Variants in MRPL1 observed in about 807,000 individuals in gnomAD.
The protein encoded by MRPL1 is large ribosomal subunit protein uL1m.
A neutral mutation model predicts 38.0 loss-of-function variants in MRPL1; 28 were observed. The observed-to-expected ratio is 0.74, with a 90% CI of 0.55 to 1.01. The LOEUF (loss-of-function observed/expected upper bound fraction) is 1.01, where lower values mean the gene tolerates loss of function less well. MRPL1 is among the 50% of genes least tolerant of loss of function. MRPL1 has a pLI of 0.00. For synonymous variants in MRPL1, 123 were observed against 126.7 expected (o/e 0.97, Z 0.20); for missense variants, 358 against 389.8 (o/e 0.92, Z 0.69).
chr4:77,872,076 T>C (rs557889893), intron 2 of MRPL1, among the ~76,000 whole-genome samples: 3 of 152,246 alleles, frequency 2.0e-5, no homozygotes, highest in Admixed American at 2.0e-4. Context: ...ACAGCAACCT[T>C]ATGAGGAAGC....
intron 7 of MRPL1, among the ~76,000 whole-genome samples, chr4:77,922,198 AT>A (rs1736596123): frequency 1.3e-5 from 2 of 152,208 alleles, no homozygotes; most frequent in Admixed American, 6.5e-5. Flanking sequence ...GGATATTGAA[AT>A]TTTAGATAGG....
intron 7 of MRPL1, among the ~76,000 whole-genome samples, chr4:77,937,706 T>C (rs1467122386): frequency 6.6e-6 from 1 of 152,176 alleles, no homozygotes; most frequent in African/African-American, 2.4e-5. Context: ...TGGCCTTAAT[T>C]GTTGGCATCT....
Position 77,902,385 on chromosome 4 carries a change from TAAA to T in MRPL1, c.671-6863_671-6861del, listed in dbSNP as rs552547011. Among the ~76,000 whole-genome samples the T allele has an allele frequency of 2.9e-4, 28 of 95,146 alleles. 1 individual carries two copies. Among genetic ancestry groups the T allele is most frequent in the Non-Finnish European group, 1.3e-4 (6 of 44,996 alleles). The allele number at this position is 95,146 out of a possible 152,430, so 62.4% of individuals were successfully genotyped here. A position where few individuals can be genotyped will look rare whatever the true frequency, so the allele number is the denominator to read the frequency against. Reference sequence around the variant, plus strand: ...GGGCAACATAGTGAGACCGGCTTTCTAAAAAAAAAAAAAAAAAAAACCGAGTTA... The same window carrying T: ...GGGCAACATAGTGAGACCGGCTTTCTAAAAAAAAAAAAAAAAACCGAGTTA... On this transcript the variant is annotated intron_variant, in intron 6 of 8. Transcript: ENST00000315567.
chr4:77,914,265 A>C (rs545451551), intron 7 of MRPL1, among the ~76,000 whole-genome samples: 7 of 152,294 alleles, frequency 4.6e-5, no homozygotes, highest in African/African-American at 1.2e-4. Context: ...CAGAAAAAGC[A>C]AAAGTATAAA....
At chr4:77,924,027 A>G (rs116035458) in intron 7 of MRPL1, among the ~76,000 whole-genome samples, 86 of 151,798 alleles carry the variant, frequency 5.7e-4, no homozygotes, top group African/African-American at 2.0e-3. Flanking sequence ...GTTTAATGAT[A>G]CTATACTTAT....
At chr4:77,880,824 A>G (rs184352524) in intron 2 of MRPL1, among the ~76,000 whole-genome samples, 2 of 152,116 alleles carry the variant, frequency 1.3e-5, no homozygotes, top group African/African-American at 2.4e-5. Context: ...ATCATTGCCC[A>G]CATATCTATG....
intron 7 of MRPL1, 92 bp from the exon 8 acceptor site, chr4:77,949,705 T>C: frequency 1.2e-6 from 1 of 816,312 alleles, no homozygotes; most frequent in South Asian, 2.0e-5. Flanking sequence ...CTAGATAATT[T>C]GCATTGGTTG....
Position 77,887,247 on chromosome 4 carries a change from G to A in MRPL1, c.514G>A (p.Glu172Lys). The change falls in exon 5 of 9, where the codon GAA (glutamate) becomes AAA (lysine). Residue 172 changes from glutamate (E) to lysine (K), a missense_variant. Physicochemically the swap from Glu to Lys is moderately conservative, Grantham distance 56 (BLOSUM62 1). Coordinates refer to ENST00000315567, the MANE Select transcript of MRPL1 (RefSeq NM_020236.4). ...ENASEVKIAE[E>K]NGAAFAGGTS... ...TGCATCAGAGGTCAAAATAGCGGAA[G>A]AAAATGGAGCTGCATTTGCAGGAGG... 2.0e-5 allele frequency: 33 copies of A among 1,614,028 alleles called. No individual in the cohort carries two copies. The highest frequency in any genetic ancestry group is 2.6e-5 in the Non-Finnish European group (31 of 1,179,890).
intron 7 of MRPL1, among the ~76,000 whole-genome samples, chr4:77,949,240 A>C (rs1309654196): frequency 6.6e-6 from 1 of 152,232 alleles, no homozygotes; most frequent in African/African-American, 2.4e-5. Context: ...AGTTTTATGA[A>C]TAGAACTCAT....
chr4:77,863,166 G>C (rs557876628), intron 1 of MRPL1, among the ~76,000 whole-genome samples: 1 of 152,144 alleles, frequency 6.6e-6, no homozygotes, highest in Non-Finnish European at 1.5e-5. Context: ...CTGATACTGG[G>C]GTGTGGGCTG....
At chr4:77,885,398 C>CAAAA in intron 4 of MRPL1, 59 bp downstream of exon 4, 8 of 1,339,012 alleles carry the variant, frequency 6.0e-6, no homozygotes, top group Non-Finnish European at 8.5e-6. Context: ...GACGGAGTCT[C>CAAAA]ACTCTGTCAC....
At chr4:77,945,128 A>AATTATTATTATT (rs3056930) in intron 7 of MRPL1, among the ~76,000 whole-genome samples, 23 of 141,092 alleles carry the variant, frequency 1.6e-4, no homozygotes, top group East Asian at 4.2e-4. Context: ...CTGCACCATC[A>AATTATTATTATT]ATTATTATTA....
intron 7 of MRPL1, among the ~76,000 whole-genome samples, chr4:77,928,082 G>A (rs574897226): frequency 1.3e-5 from 2 of 152,272 alleles, no homozygotes; most frequent in African/African-American, 2.4e-5. Context: ...GTATCATTTT[G>A]TGTGCTTGTG....
At chr4:77,884,199 C>T (rs548030232) in intron 3 of MRPL1, among the ~76,000 whole-genome samples, 6 of 149,638 alleles carry the variant, frequency 4.0e-5, no homozygotes, top group Admixed American at 6.7e-5. Context: ...TCCTTGGGGT[C>T]GCACCACTGC....
chr4:77,871,764 C>T lies in MRPL1; in HGVS notation c.52C>T (p.His18Tyr). Residue 18 changes from histidine to tyrosine, a missense_variant, in exon 2 of 9, where the codon CAT (histidine) becomes TAT (tyrosine). By Grantham distance (83) the His-to-Tyr change is moderately conservative. Coordinates refer to ENST00000315567, the MANE Select transcript of MRPL1 (RefSeq NM_020236.4). ...MGRALIHHQR[H>Y]SLSKMVYQTS... ...TCAAGCCTTGATACATCATCAAAGG[C>T]ATAGCCTTTCCAAGATGGTTTATCA... The T allele has an allele frequency of 2.5e-6, 4 of 1,581,808 alleles. No homozygotes were observed. The highest frequency in any genetic ancestry group is 3.4e-6 in the Non-Finnish European group (4 of 1,167,350).
intron 7 of MRPL1, among the ~76,000 whole-genome samples, chr4:77,930,990 G>C (rs1736831987): frequency 6.6e-6 from 1 of 152,152 alleles, no homozygotes; most frequent in African/African-American, 2.4e-5. Flanking sequence ...CCAAAAGAAA[G>C]CTGCATTTAA....
intron 7 of MRPL1, among the ~76,000 whole-genome samples, chr4:77,910,104 CT>C (rs374656177): frequency 2.4e-4 from 37 of 152,208 alleles, no homozygotes; most frequent in African/African-American, 8.4e-4. Context: ...TTTGTATATT[CT>C]GTCTTTTAAT....
chr4:77,938,285 G>C (rs1553908268), intron 7 of MRPL1, among the ~76,000 whole-genome samples: 1 of 152,196 alleles, frequency 6.6e-6, no homozygotes, highest in Non-Finnish European at 1.5e-5. Flanking sequence ...CATTTACAAA[G>C]AAAGTATGCC....
intron 7 of MRPL1, among the ~76,000 whole-genome samples, chr4:77,928,748 A>C (rs552862635): frequency 6.6e-6 from 1 of 152,260 alleles, no homozygotes; most frequent in Non-Finnish European, 1.5e-5. Flanking sequence ...TCATCCTTGC[A>C]GTATTTTATG....
Sources: gnomAD v4.1 joint callset for allele counts (sites outside exome capture counted in the v4.1 genomes callset) on GRCh38, gnomAD v4.1.1 for gene constraint, MANE v1.5 for transcripts, NCBI Gene and HGNC (gene_info 2026-07-23, HGNC 2026-07-21) for gene names.